NBAS: variants seen among roughly 807,000 people sequenced by gnomAD.
The protein encoded by NBAS is NAG/BC035112 fusion.
A neutral mutation model predicts 302.5 loss-of-function variants in NBAS; 219 were observed. The observed-to-expected ratio is 0.72, with a 90% CI of 0.65 to 0.81. NBAS has a LOEUF of 0.81. Among genes scored for constraint, NBAS ranks in the 30% least tolerant of loss-of-function variants. NBAS has a pLI of 0.00. For missense variants in NBAS, 2,932 were observed against 2,841.6 expected, an observed-to-expected ratio of 1.03 and a Z score of -0.72; for synonymous variants, 1,118 against 1,021.6, an observed-to-expected ratio of 1.09 and a Z score of -1.80.
At chr2:14,801,797 C>T in the NBAS span, among the ~76,000 whole-genome samples, 6 of 152,248 alleles carry the variant, frequency 3.9e-5, no homozygotes, top group Middle Eastern at 3.4e-3. Flanking sequence ...TATTTAAAAA[C>T]AATTTGACTG....
chr2:15,227,104 T>C (rs2112128), intron 47 of NBAS, among the ~76,000 whole-genome samples: 14,751 of 152,212 alleles, frequency 0.097, 1,211 homozygotes, highest in East Asian at 0.32. Flanking sequence ...AGTTTTATCA[T>C]GAAGGAATAT....
chr2:14,945,736 T>C, the NBAS span, among the ~76,000 whole-genome samples: 1 of 151,352 alleles, frequency 6.6e-6, no homozygotes, highest in African/African-American at 2.4e-5. Context: ...AAATATACAG[T>C]CAGAGGAGAA....
intron 38 of NBAS, among the ~76,000 whole-genome samples, chr2:15,314,359 A>G (rs916410318): frequency 1.2e-4 from 18 of 152,134 alleles, no homozygotes; most frequent in African/African-American, 3.9e-4. Context: ...AGACTCCATC[A>G]CAAAACAAAC....
the NBAS span, among the ~76,000 whole-genome samples, chr2:15,043,068 C>T: frequency 6.6e-6 from 1 of 152,202 alleles, no homozygotes; most frequent in African/African-American, 2.4e-5. Flanking sequence ...TCTCCAACCC[C>T]CGATTTACAT....
intron 21 of NBAS, among the ~76,000 whole-genome samples, chr2:15,440,840 G>C (rs371897489): frequency 2.6e-4 from 39 of 150,722 alleles, no homozygotes; most frequent in East Asian, 2.4e-3. Context: ...AGCCAAGGCT[G>C]GAGAACTACG....
the NBAS span, among the ~76,000 whole-genome samples, chr2:14,905,126 C>A: frequency 6.6e-6 from 1 of 152,202 alleles, no homozygotes; most frequent in African/African-American, 2.4e-5. Context: ...ATGGTGCCCA[C>A]CCACATTGAA....
At chr2:14,805,083 A>G in the NBAS span, among the ~76,000 whole-genome samples, 2 of 152,210 alleles carry the variant, frequency 1.3e-5, no homozygotes, top group African/African-American at 2.4e-5. Flanking sequence ...GTTAGAAACT[A>G]CAAAGACTGA....
chr2:15,406,195 A>G (rs1262620245), intron 25 of NBAS, among the ~76,000 whole-genome samples: 2 of 152,004 alleles, frequency 1.3e-5, no homozygotes, highest in Non-Finnish European at 2.9e-5. Context: ...AAATCTCTAT[A>G]ATTAAAATCA....
Position 15,186,830 on chromosome 2 carries a change from C to T in NBAS, c.6623G>A (p.Cys2208Tyr), listed in dbSNP as rs1029747191. 1.2e-6 allele frequency: 2 copies of T among 1,613,802 alleles called. No individual in the cohort carries two copies. Among genetic ancestry groups the T allele is most frequent in the African/African-American group, 2.7e-5 (2 of 74,848 alleles). The change falls in exon 50 of 52, where the codon TGT becomes TAT. Residue 2208 changes from cysteine (C) to tyrosine (Y), a missense_variant. By Grantham distance (194) the Cys-to-Tyr change is radical. Coordinates refer to ENST00000281513, the MANE Select transcript of NBAS (RefSeq NM_015909.4). ...VRLATVMLTR[C>Y]TMENKEGLGN... The stretch of plus-strand genomic sequence containing the variant: ...CAATCCTTCCTTGTTCTCCATCGTA[C>T]ATCTGGTTAGCATCACTGTAGCTAG...
chr2:15,062,259 T>C, the NBAS span, among the ~76,000 whole-genome samples: 1 of 152,232 alleles, frequency 6.6e-6, no homozygotes, highest in Non-Finnish European at 1.5e-5. Context: ...AAAGCATGTC[T>C]CAGCCATTGA....
At chr2:15,472,298 A>G (rs1374552056) in intron 16 of NBAS, among the ~76,000 whole-genome samples, 2 of 152,070 alleles carry the variant, frequency 1.3e-5, no homozygotes, top group African/African-American at 4.8e-5. Flanking sequence ...ATCAAGTGGC[A>G]CTTACTTCCC....
chr2:15,291,067 A>G (rs144658366), intron 41 of NBAS, among the ~76,000 whole-genome samples: 2 of 152,360 alleles, frequency 1.3e-5, no homozygotes, highest in African/African-American at 2.4e-5. Context: ...TTGTCAGGAG[A>G]GAAAAATAAC....
chr2:15,166,137 AC>A (rs1664015541), downstream of NBAS, among the ~76,000 whole-genome samples: 1 of 151,940 alleles, frequency 6.6e-6, no homozygotes, highest in Non-Finnish European at 1.5e-5. Flanking sequence ...ATGCCCTGGG[AC>A]CCTTATCCTC....
chr2:15,355,407 G>A (rs1673565883), intron 33 of NBAS, among the ~76,000 whole-genome samples: 1 of 152,138 alleles, frequency 6.6e-6, no homozygotes, highest in Non-Finnish European at 1.5e-5. Flanking sequence ...AATAAAATCT[G>A]ATTATCCTGC....
the NBAS span, among the ~76,000 whole-genome samples, chr2:15,110,452 T>C: frequency 1.9e-3 from 292 of 152,282 alleles, 1 homozygote; most frequent in African/African-American, 6.0e-3. Context: ...ATATGTAAAG[T>C]GTTCATACAT....
At chr2:14,942,358 C>T in the NBAS span, among the ~76,000 whole-genome samples, 3 of 152,090 alleles carry the variant, frequency 2.0e-5, no homozygotes, top group Non-Finnish European at 4.4e-5. Context: ...TGCCACCCCT[C>T]TTGGTACTGT....
intron 5 of NBAS, 129 bp downstream of exon 5, chr2:15,553,297 T>C: frequency 1.2e-6 from 1 of 851,850 alleles, no homozygotes; most frequent in Non-Finnish European, 1.9e-6. Context: ...TGTTTGACAC[T>C]CACAAAATTA....
intron 32 of NBAS, among the ~76,000 whole-genome samples, chr2:15,363,725 A>C (rs1674053266): frequency 6.6e-6 from 1 of 152,240 alleles, no homozygotes; most frequent in African/African-American, 2.4e-5. Flanking sequence ...GAAACTTTTT[A>C]TAAAGATGTG....
intron 35 of NBAS, among the ~76,000 whole-genome samples, chr2:15,337,341 A>C (rs1326902553): frequency 1.3e-5 from 2 of 151,996 alleles, no homozygotes; most frequent in Non-Finnish European, 2.9e-5. Context: ...AAAGACCACA[A>C]ATTGGGTTCA....
Sources: gnomAD v4.1 joint callset for allele counts (sites outside exome capture counted in the v4.1 genomes callset) on GRCh38, gnomAD v4.1.1 for gene constraint, MANE v1.5 for transcripts, NCBI Gene and HGNC (gene_info 2026-07-23, HGNC 2026-07-21) for gene names.